AHCYL1: variants seen among roughly 807,000 people sequenced by gnomAD.
AHCYL1 encodes the protein S-adenosylhomocysteine hydrolase-like protein 1.
In AHCYL1, 20 loss-of-function variants were observed where a neutral mutation model predicts 79.3. That is an observed-to-expected ratio of 0.25 (90% CI 0.18 to 0.37). The LOEUF is 0.37. Ranked by LOEUF, AHCYL1 falls within the 10% of genes least tolerant of loss-of-function variation. AHCYL1 has a pLI of 1.00. For synonymous variants in AHCYL1, 223 were observed against 242.2 expected (o/e 0.92, Z 0.74); for missense variants, 330 against 673.6 (o/e 0.49, Z 5.65).
intron 15 of AHCYL1, among the ~76,000 whole-genome samples, chr1:110,020,078 C>A (rs1394137870): frequency 6.6e-6 from 1 of 152,156 alleles, no homozygotes; most frequent in African/African-American, 2.4e-5. Flanking sequence ...ATCTCTAGTC[C>A]TTTGCCTTTC....
chr1:110,011,290 C>T lies in AHCYL1; in HGVS notation c.309C>T (p.Ser103=). The change falls in exon 3 of 17, where the codon AGC becomes AGT. Residue 103 remains serine (S), a synonymous_variant. Transcript: ENST00000369799. ...AGCAAACCAACTCCAAGGGCAGCAG[C>T]AATTTCTGTGTGAAGAACATCAAGC... ...EKQQTNSKGS[S]NFCVKNIKQA... The T allele has an allele frequency of 1.9e-6, 3 of 1,614,052 alleles. No homozygotes were observed. The highest frequency in any genetic ancestry group is 2.5e-6 in the Non-Finnish European group (3 of 1,180,022).
intron 1 of AHCYL1, among the ~76,000 whole-genome samples, chr1:110,006,348 A>G (rs112637891): frequency 7.2e-5 from 11 of 152,200 alleles, no homozygotes; most frequent in African/African-American, 2.4e-4. Context: ...TAGGTGTAGT[A>G]TTCCTTGTAG....
intron 1 of AHCYL1, among the ~76,000 whole-genome samples, chr1:109,992,333 C>A (rs1279212756): frequency 1.3e-5 from 2 of 151,360 alleles, no homozygotes; most frequent in Non-Finnish European, 2.9e-5. Flanking sequence ...TCGCTTGAAC[C>A]CAGGAGGTGG....
chr1:110,018,309 G>T, intron 11 of AHCYL1, 64 bp from the exon 12 acceptor site: 1 of 1,530,686 alleles, frequency 6.5e-7, no homozygotes, highest in Admixed American at 1.7e-5. Flanking sequence ...TGTTCTACCT[G>T]AAAGCCAGCC....
In AHCYL1 at chr1:110,011,478, T is replaced by C. The variant is rs145870397; in HGVS notation, c.376+121T>C. On this transcript the variant is annotated intron_variant, in intron 3 of 16. Coordinates refer to ENST00000369799, the MANE Select transcript of AHCYL1 (RefSeq NM_006621.7). ...TGTACTGGGAAGAAAGACAGTATTA[T>C]GGACTTTCGGATAAACACTTCTCTC... is the stretch of plus-strand genomic sequence containing the variant. The C allele has an allele frequency of 1.8e-4, 245 of 1,359,544 alleles. 3 individuals are homozygous for C. In the African/African-American group the frequency reaches 3.2e-3, roughly 18 times the overall value. 84.2% of individuals were successfully genotyped at this position (1,359,544 alleles called of 1,614,324 possible).
Position 110,019,096 on chromosome 1 carries a change from C to G in AHCYL1, c.1363C>G (p.Leu455Val). Residue 455 changes from leucine to valine, a missense_variant, in exon 14 of 17, where the codon CTG becomes GTG. Physicochemically the swap from Leu to Val is conservative, Grantham distance 32. Around this residue, in one of 6 missense-constraint regions of AHCYL1, gnomAD observed 119 missense variants for 293.3 expected, o/e 0.41. Coordinates refer to ENST00000369799, the MANE Select transcript of AHCYL1 (RefSeq NM_006621.7). ...LSCSTVPTFV[L>V]SITATTQALA... Reference sequence around the variant, plus strand: ...CTGCTCCACAGTTCCCACCTTTGTTCTGTCCATCACAGCCACAACACAGGT... The same window carrying G: ...CTGCTCCACAGTTCCCACCTTTGTTGTGTCCATCACAGCCACAACACAGGT... 1 of 1,614,208 alleles carries G rather than the reference C, an allele frequency of 6.2e-7. No homozygotes were observed. Among genetic ancestry groups the G allele is most frequent in the Non-Finnish European group, 8.5e-7 (1 of 1,180,038 alleles).
Position 110,022,268 on chromosome 1 carries a change from T to C in AHCYL1, c.*588T>C, listed in dbSNP as rs1651851157. ...TCAGGAGGCCCACTTGGATTTATAG[T>C]ATAGCCCTTCCTCCACTCCCACCAG... On this transcript the variant is annotated 3_prime_UTR_variant, in exon 17 of 17. Transcript: ENST00000369799. The C allele has an allele frequency of 6.6e-6, 1 of 152,144 alleles. No individual in the cohort carries two copies. Among genetic ancestry groups the C allele is most frequent in the East Asian group, 1.9e-4 (1 of 5,190 alleles). The allele number at this position is 152,144 out of a possible 1,614,324, so 9.4% of individuals were successfully genotyped here.
At chr1:109,989,626 G>A (rs947532133) in intron 1 of AHCYL1, among the ~76,000 whole-genome samples, 6 of 152,202 alleles carry the variant, frequency 3.9e-5, no homozygotes, top group African/African-American at 1.4e-4. Flanking sequence ...GCCACTCCGA[G>A]TAGTTAATGA....
chr1:110,019,741 G>A (rs1570895225), intron 15 of AHCYL1, 115 bp downstream of exon 15: 1 of 1,027,542 alleles, frequency 9.7e-7, no homozygotes, highest in Non-Finnish European at 1.4e-6. Context: ...TGTGCTTACT[G>A]GTTGTTTGAC....
In AHCYL1 at chr1:110,018,024, A is replaced by G. The variant is rs770827129; in HGVS notation, c.1123+8A>G. On this transcript the variant is annotated splice_region_variant and intron_variant, in intron 11 of 16. Coordinates refer to ENST00000369799, the MANE Select transcript of AHCYL1 (RefSeq NM_006621.7). ...TCGTAATAACTTGCACAGGTAAATA[A>G]CTTGCATAGAGAAGTGTTTATTCAG... The G allele has an allele frequency of 8.7e-6, 14 of 1,613,978 alleles. No individual in the cohort carries two copies. The highest frequency in any genetic ancestry group is 8.5e-7 in the Non-Finnish European group (1 of 1,179,948).
At chr1:109,997,252 GA>G (rs1468469348) in intron 1 of AHCYL1, among the ~76,000 whole-genome samples, 1 of 152,210 alleles carries the variant, frequency 6.6e-6, no homozygotes, top group Non-Finnish European at 1.5e-5. Context: ...GACTGAGAGT[GA>G]TAGTAAAGTT....
At chr1:110,011,462 A>G in intron 3 of AHCYL1, 105 bp downstream of exon 3, 1 of 1,475,570 alleles carries the variant, frequency 6.8e-7, no homozygotes, top group Non-Finnish European at 9.2e-7. Flanking sequence ...GTGTACTGGG[A>G]AGAAAGACAG....
intron 6 of AHCYL1, 49 bp from the exon 7 acceptor site, chr1:110,015,376 C>T (rs765440952): frequency 3.4e-6 from 5 of 1,491,398 alleles, no homozygotes; most frequent in Non-Finnish European, 4.7e-6. Flanking sequence ...AAGTTCCCCC[C>T]AGCCCTAGCA....
At chr1:110,003,611 T>A (rs1389407561) in intron 1 of AHCYL1, among the ~76,000 whole-genome samples, 2 of 151,880 alleles carry the variant, frequency 1.3e-5, no homozygotes, top group Non-Finnish European at 2.9e-5. Context: ...TTTTTTTTTT[T>A]AAACCTAGAA....
intron 2 of AHCYL1, among the ~76,000 whole-genome samples, chr1:110,009,350 G>T (rs1335130139): frequency 6.6e-6 from 1 of 152,214 alleles, no homozygotes; most frequent in Non-Finnish European, 1.5e-5. Flanking sequence ...CTTCCCCCTG[G>T]CTGTCTGTGT....
intron 1 of AHCYL1, among the ~76,000 whole-genome samples, chr1:109,992,207 G>A (rs1283052239): frequency 6.6e-6 from 1 of 152,072 alleles, no homozygotes; most frequent in East Asian, 1.9e-4. Context: ...AGGAGATCGA[G>A]ACCATCATGG....
intron 1 of AHCYL1, among the ~76,000 whole-genome samples, chr1:109,993,654 A>G (rs1649878818): frequency 6.6e-6 from 1 of 152,214 alleles, no homozygotes; most frequent in Admixed American, 6.5e-5. Context: ...ATCCCTTTAT[A>G]AAGCCAGAAA....
At chr1:109,988,977 G>A (rs535251724) in intron 1 of AHCYL1, among the ~76,000 whole-genome samples, 1 of 152,132 alleles carries the variant, frequency 6.6e-6, no homozygotes, top group South Asian at 2.1e-4. Flanking sequence ...TAGAATTTAC[G>A]CCAGGACTTG....
At position 109,985,075 on chromosome 1, in the gene AHCYL1, C is replaced by T; in HGVS notation, c.23C>T (p.Pro8Leu). MSMPDAMPLPGVGEELKQ... is the reference protein window; with the variant it reads MSMPDAMLLPGVGEELKQ... Reference sequence around the variant, plus strand: ...GGAATGTCGATGCCTGACGCGATGCCGCTGCCCGGGGTCGGGGAGGAGCTG... The same window carrying T: ...GGAATGTCGATGCCTGACGCGATGCTGCTGCCCGGGGTCGGGGAGGAGCTG... The change falls in exon 1 of 17, where the codon CCG becomes CTG. Residue 8 changes from proline to leucine, a missense_variant. Pro to Leu is a moderately conservative substitution (Grantham distance 98, BLOSUM62 -3). Coordinates refer to ENST00000369799, the MANE Select transcript of AHCYL1 (RefSeq NM_006621.7). The T allele has an allele frequency of 1.2e-6, 2 of 1,605,138 alleles. No homozygotes were observed. The highest frequency in any genetic ancestry group is 1.7e-6 in the Non-Finnish European group (2 of 1,176,592).
Sources: allele counts gnomAD v4.1 joint callset (sites outside exome capture counted in the v4.1 genomes callset), GRCh38; gene constraint gnomAD v4.1.1; regional missense constraint gnomAD v4.1.1; transcripts MANE v1.5; gene names NCBI Gene and HGNC (gene_info 2026-07-23, HGNC 2026-07-21).